PCDHA12: variants seen among roughly 807,000 people sequenced by gnomAD.
PCDHA12 encodes the protein protocadherin alpha 12.
In PCDHA12, 44 loss-of-function variants were observed where a neutral mutation model predicts 60.0. The ratio of observed to expected loss-of-function variants is 0.73; its 90% CI spans 0.58 to 0.94. PCDHA12 has a LOEUF of 0.94. Among genes scored for constraint, PCDHA12 ranks in the 40% least tolerant of loss-of-function variants. The pLI is 0.00. For missense variants in PCDHA12, 1,276 were observed against 1,239.7 expected, an observed-to-expected ratio of 1.03 and a Z score of -0.44; for synonymous variants, 569 against 553.0, an observed-to-expected ratio of 1.03 and a Z score of -0.40.
At chr5:140,898,112 G>A (rs1308883558) in intron 1 of PCDHA12, among the ~76,000 whole-genome samples, 1 of 152,046 alleles carries the variant, frequency 6.6e-6, no homozygotes, top group African/African-American at 2.4e-5. Flanking sequence ...TGAGTAGGTT[G>A]CGAAAATTTT....
Position 140,978,964 on chromosome 5 carries a change from C to G in PCDHA12, c.2383C>G (p.Pro795Ala). ...GATTTTGCAGCCACGACAGCCCAAC[C>G]CTGACTGGCGTTACTCTGCCTCCCT... ...NPPSEPRQPN[P>A]DWRYSASLRA... is the part of the protein sequence containing the mutation. The change falls in exon 2 of 4, where the codon CCT becomes GCT. Residue 795 changes from proline to alanine, a missense_variant. Transcript: ENST00000398631. 3 of 1,614,122 alleles carry G rather than the reference C, an allele frequency of 1.9e-6. No homozygotes were observed. The highest frequency in any genetic ancestry group is 2.5e-6 in the Non-Finnish European group (3 of 1,180,010).
intron 1 of PCDHA12, among the ~76,000 whole-genome samples, chr5:140,898,087 T>C (rs1480771668): frequency 2.6e-5 from 4 of 152,150 alleles, no homozygotes; most frequent in Non-Finnish European, 5.9e-5. Flanking sequence ...TTCTGGATAT[T>C]AGCCCTTTGT....
In PCDHA12 at chr5:140,877,310, C is replaced by G. The variant is rs371801888; in HGVS notation, c.1838C>G (p.Pro613Arg). 6.2e-7 allele frequency: 1 copy of G among 1,613,938 alleles called. No individual in the cohort carries two copies. Among genetic ancestry groups the G allele is most frequent in the Non-Finnish European group, 8.5e-7 (1 of 1,179,858 alleles). ...GCTTGGCTGTCCTACGAGTTGCAAC[C>G]GGCGGCGGTCGGCGCGCACATCCCG... ...YNAWLSYELQ[P>R]AAVGAHIPFH... Residue 613 changes from proline (P) to arginine (R), a missense_variant, in exon 1 of 4, where the codon CCG becomes CGG. By Grantham distance (103) the Pro-to-Arg change is moderately radical. Coordinates refer to ENST00000398631, the MANE Select transcript of PCDHA12 (RefSeq NM_018903.4).
At chr5:140,937,739 C>T (rs1563162684) in intron 1 of PCDHA12, among the ~76,000 whole-genome samples, 1 of 151,716 alleles carries the variant, frequency 6.6e-6, no homozygotes, top group African/African-American at 2.4e-5. Context: ...GGTGAAACCC[C>T]GTCTCTACTA....
rs1554167823 is a variant in PCDHA12 at position 140,875,647 on chromosome 5, C to T, written c.175C>T (p.Leu59=). ...AQDLGLELAE[L]VPRLFRVASK... ...GGACCTGGGGCTGGAGCTGGCGGAG[C>T]TGGTGCCGCGCCTGTTCCGGGTGGC... is the stretch of plus-strand genomic sequence containing the variant. The change falls in exon 1 of 4, where the codon CTG becomes TTG. Residue 59 remains leucine (L), a synonymous_variant. Transcript: ENST00000398631. 1 of 1,613,694 alleles carries T rather than the reference C, an allele frequency of 6.2e-7. No individual in the cohort carries two copies. The highest frequency in any genetic ancestry group is 8.5e-7 in the Non-Finnish European group (1 of 1,179,992).
intron 1 of PCDHA12, among the ~76,000 whole-genome samples, chr5:140,919,511 G>A (rs782614998): frequency 1.3e-5 from 2 of 151,848 alleles, no homozygotes; most frequent in Non-Finnish European, 2.9e-5. Flanking sequence ...TTTTCTATAT[G>A]TTTTAATTCT....
intron 1 of PCDHA12, among the ~76,000 whole-genome samples, chr5:140,904,653 A>AGT (rs2071298480): frequency 6.6e-6 from 1 of 152,104 alleles, no homozygotes; most frequent in Non-Finnish European, 1.5e-5. Context: ...TGTTTTCCAT[A>AGT]GTGGTTGTAC....
At position 141,009,749 on chromosome 5, in the gene PCDHA12, A is replaced by G. The variant is rs2098414176; in HGVS notation, c.2638A>G (p.Ile880Val). Residue 880 changes from isoleucine to valine, a missense_variant, in exon 4 of 4, where the codon ATT (isoleucine) becomes GTT (valine). Ile to Val is a conservative substitution (Grantham distance 29). Transcript: ENST00000398631. ...SGPGELPDKFIIPGSPAIISI... is the reference protein window; with the variant it reads ...SGPGELPDKFVIPGSPAIISI... The stretch of plus-strand genomic sequence containing the variant: ...TCCCGGTGAGTTGCCCGACAAATTC[A>G]TTATCCCAGGATCTCCTGCAATCAT... 3 of 1,614,200 alleles carry G rather than the reference A, an allele frequency of 1.9e-6. No homozygotes were observed. The highest frequency in any genetic ancestry group is 1.6e-4 in the Middle Eastern group (1 of 6,062).
intron 1 of PCDHA12, among the ~76,000 whole-genome samples, chr5:140,963,640 CT>C (rs1426012343): frequency 6.6e-6 from 1 of 152,164 alleles, no homozygotes; most frequent in African/African-American, 2.4e-5. Flanking sequence ...CGCATCTTCC[CT>C]ATCATGGTTG....
At chr5:140,989,140 C>A (rs2153881117) in intron 3 of PCDHA12, among the ~76,000 whole-genome samples, 1 of 152,290 alleles carries the variant, frequency 6.6e-6, no homozygotes, top group East Asian at 1.9e-4. Context: ...CACTTTATCC[C>A]TTCTTTTGTT....
intron 3 of PCDHA12, among the ~76,000 whole-genome samples, chr5:140,985,006 C>T (rs892412151): frequency 1.3e-5 from 2 of 151,922 alleles, no homozygotes; most frequent in South Asian, 2.1e-4. Context: ...GGCACGATAT[C>T]GGCTCACAGC....
In PCDHA12 at chr5:140,982,489, A is replaced by G. The variant is rs782634646; in HGVS notation, c.2441A>G (p.Glu814Gly). The change falls in exon 3 of 4, where the codon GAG (glutamate) becomes GGG (glycine). Residue 814 changes from glutamate to glycine, a missense_variant. By Grantham distance (98) the Glu-to-Gly change is moderately conservative. Transcript: ENST00000398631. ...RAGMHSSVHL[E>G]EAGILRAGPG... ...TGTTTATTCAGCTCTGTGCACCTAG[A>G]GGAGGCTGGCATTCTACGGGCTGGT... 3 of 1,614,066 alleles carry G rather than the reference A, an allele frequency of 1.9e-6. No individual in the cohort carries two copies. The African/African-American group carries it at 4.0e-5, about 22-fold the overall frequency.
At chr5:140,895,267 T>G (rs2064938299) in intron 1 of PCDHA12, among the ~76,000 whole-genome samples, 1 of 152,162 alleles carries the variant, frequency 6.6e-6, no homozygotes. Flanking sequence ...TTTTTCTTAC[T>G]CAGGGATAAT....
intron 3 of PCDHA12, among the ~76,000 whole-genome samples, chr5:141,002,971 T>C (rs138459473): frequency 6.6e-6 from 1 of 152,274 alleles, no homozygotes; most frequent in African/African-American, 2.4e-5. Flanking sequence ...TTCCTGAAAA[T>C]AGTATCCTTG....
intron 3 of PCDHA12, among the ~76,000 whole-genome samples, chr5:141,003,429 A>G (rs782300910): frequency 6.6e-5 from 10 of 152,138 alleles, no homozygotes; most frequent in Non-Finnish European, 1.3e-4. Flanking sequence ...CTTATGCCTC[A>G]GCCTCCCAAG....
intron 1 of PCDHA12, chr5:140,967,921 C>T (rs781932025): frequency 6.2e-6 from 10 of 1,614,172 alleles, no homozygotes; most frequent in South Asian, 4.4e-5. Flanking sequence ...CCATTGTGGC[C>T]GTTCTCAGTG....
chr5:140,982,288 T>G, intron 2 of PCDHA12, 187 bp from the exon 3 acceptor site: 1 of 1,088,080 alleles, frequency 9.2e-7, no homozygotes, highest in Admixed American at 2.9e-5. Context: ...AGGCAATAAG[T>G]AAGTCAGCAA....
intron 3 of PCDHA12, among the ~76,000 whole-genome samples, chr5:141,005,306 C>T (rs1563689503): frequency 6.6e-6 from 1 of 152,158 alleles, no homozygotes; most frequent in Non-Finnish European, 1.5e-5. Context: ...CTTTGTGAAT[C>T]TTACAGTGGT....
At chr5:140,951,542 A>AG (rs1554219955) in intron 1 of PCDHA12, among the ~76,000 whole-genome samples, 1 of 151,820 alleles carries the variant, frequency 6.6e-6, no homozygotes, top group African/African-American at 2.4e-5. Context: ...GGAGCAAGGG[A>AG]CGGGGGGAAG....
Sources: allele counts gnomAD v4.1 joint callset (sites outside exome capture counted in the v4.1 genomes callset), GRCh38; gene constraint gnomAD v4.1.1; transcripts MANE v1.5; gene names NCBI Gene and HGNC (gene_info 2026-07-23, HGNC 2026-07-21).